Variants in SMOC2 observed in about 807,000 individuals in gnomAD.
SMOC2 encodes SPARC related modular calcium binding 2.
In SMOC2, 39 loss-of-function variants were observed where a neutral mutation model predicts 61.4. The observed-to-expected ratio is 0.64, with a 90% CI of 0.49 to 0.83. The LOEUF is 0.83. Among genes scored for constraint, SMOC2 ranks in the 40% least tolerant of loss-of-function variants. SMOC2 has a pLI of 0.00. For missense variants in SMOC2, 556 were observed against 592.9 expected (o/e 0.94, Z 0.65); for synonymous variants, 247 against 239.9 (o/e 1.03, Z -0.27).
chr6:168,543,723 C>T, intron 5 of SMOC2, 51 bp downstream of exon 5: 1 of 1,525,092 alleles, frequency 6.6e-7, no homozygotes, highest in Non-Finnish European at 9.0e-7. Flanking sequence ...TCTAACTTAT[C>T]CCGTGAAATA....
chr6:168,522,771 G>A (rs1256039703), intron 2 of SMOC2, among the ~76,000 whole-genome samples: 1 of 152,176 alleles, frequency 6.6e-6, no homozygotes, highest in African/African-American at 2.4e-5. Flanking sequence ...CATGAACCGT[G>A]AAAACATCAG....
chr6:168,550,097 C>G (rs923894259), intron 7 of SMOC2, among the ~76,000 whole-genome samples: 3 of 152,158 alleles, frequency 2.0e-5, no homozygotes, highest in Non-Finnish European at 4.4e-5. Flanking sequence ...TTCATTTAGG[C>G]TCTCAGTTGA....
Position 168,547,340 on chromosome 6 carries a change from T to TA in SMOC2, c.562+179dup, listed in dbSNP as rs34326012. ...ATCTTACTTATATGTGGAATCTCTT[T>TA]AAAAAAAACAAACAAACAAAACTCC... is the stretch of plus-strand genomic sequence containing the variant. On this transcript the variant is annotated intron_variant, in intron 6 of 12. Transcript: ENST00000356284. 5.6e-5 allele frequency among the ~76,000 whole-genome samples: 8 copies of TA among 143,106 alleles called. 1 individual carries two copies. Among genetic ancestry groups the TA allele is most frequent in the Non-Finnish European group, 1.0e-4 (7 of 67,702 alleles). The allele number at this position is 143,106 out of a possible 152,430, so 93.9% of individuals were successfully genotyped here. A position where few individuals can be genotyped will look rare whatever the true frequency, so the allele number is the denominator to read the frequency against.
intron 7 of SMOC2, among the ~76,000 whole-genome samples, chr6:168,549,503 G>A (rs1784082453): frequency 6.6e-6 from 1 of 152,040 alleles, no homozygotes; most frequent in Non-Finnish European, 1.5e-5. Context: ...AAAATCATAA[G>A]GAATAGAAAA....
chr6:168,463,931 C>T lies in SMOC2; in HGVS notation c.84+22477C>T, dbSNP rs548850083. Among the ~76,000 whole-genome samples the T allele has an allele frequency of 2.9e-4, 44 of 152,222 alleles. No individual in the cohort carries two copies. The East Asian group carries it at 4.1e-3, about 14-fold the overall frequency. On this transcript the variant is annotated intron_variant, in intron 1 of 12. Coordinates refer to ENST00000356284, the MANE Select transcript of SMOC2 (RefSeq NM_001166412.2). ...TCTGGCCAGGTGAGGTGGCTCACAC[C>T]TGTAATCCCAACACTCTGGGAGGCC...
intron 9 of SMOC2, among the ~76,000 whole-genome samples, chr6:168,626,703 T>C (rs959012759): frequency 6.6e-6 from 1 of 152,244 alleles, no homozygotes; most frequent in Non-Finnish European, 1.5e-5. Flanking sequence ...TAACGCGTTC[T>C]GTTACCTAGG....
chr6:168,484,295 T>A (rs569921031), intron 1 of SMOC2, among the ~76,000 whole-genome samples: 1 of 152,166 alleles, frequency 6.6e-6, no homozygotes, highest in South Asian at 2.1e-4. Context: ...GACATTTTTT[T>A]TAAAAAAAAG....
chr6:168,514,182 A>T (rs2749264), intron 2 of SMOC2, among the ~76,000 whole-genome samples: 136,259 of 152,130 alleles, frequency 0.9, 61,939 homozygotes, highest in East Asian at 1. Context: ...CTGAGAAAAA[A>T]CAAGTCAGTC....
intron 2 of SMOC2, among the ~76,000 whole-genome samples, chr6:168,525,282 G>A (rs571157353): frequency 3.3e-5 from 5 of 152,186 alleles, no homozygotes; most frequent in Non-Finnish European, 5.9e-5. Context: ...CTTAGGACAA[G>A]CCTTTTCCCC....
chr6:168,604,015 C>T (rs2115195167), intron 8 of SMOC2, among the ~76,000 whole-genome samples: 1 of 152,370 alleles, frequency 6.6e-6, no homozygotes, highest in East Asian at 1.9e-4. Context: ...CCCTAAGAGG[C>T]ACAGCAGTGG....
chr6:168,626,739 T>C (rs1318088927), intron 9 of SMOC2, among the ~76,000 whole-genome samples: 1 of 152,248 alleles, frequency 6.6e-6, no homozygotes, highest in Non-Finnish European at 1.5e-5. Flanking sequence ...CTGTGTATCT[T>C]GGAGAGTGCG....
Position 168,576,556 on chromosome 6 carries a change from G to A in SMOC2, c.638-22262G>A, listed in dbSNP as rs145774500. ...AGCCCTGGGGGTCCCTTCAGACCTC[G>A]CTCTGAGAATGGCTGGTCTAACAGC... On this transcript the variant is annotated intron_variant, in intron 7 of 12. Coordinates refer to ENST00000356284, the MANE Select transcript of SMOC2 (RefSeq NM_001166412.2). Among the ~76,000 whole-genome samples, 523 of 152,142 alleles carry A rather than the reference G, an allele frequency of 3.4e-3. 8 individuals are homozygous for A. Among genetic ancestry groups the A allele is most frequent in the African/African-American group, 0.012 (492 of 41,450 alleles).
rs1554287070 is a variant in SMOC2 at position 168,523,079 on chromosome 6, A to ATTTTTTTTTTT, written c.257-3257_257-3247dup. ...TTATGTTATTTGTAGTTGTACAGTA[A>ATTTTTTTTTTT]TTTTTTTTTTTTTTTTTTTTGAGAC... On this transcript the variant is annotated intron_variant, in intron 2 of 12. Transcript: ENST00000356284. Among the ~76,000 whole-genome samples, 52 of 93,660 alleles carry ATTTTTTTTTTT rather than the reference A, an allele frequency of 5.6e-4. 6 individuals carry two copies. The highest frequency in any genetic ancestry group is 1.5e-3 in the African/African-American group (44 of 30,120). 61.4% of individuals were successfully genotyped at this position (93,660 alleles called of 152,430 possible). A position where few individuals can be genotyped will look rare whatever the true frequency, so the allele number is the denominator to read the frequency against.
intron 1 of SMOC2, among the ~76,000 whole-genome samples, chr6:168,469,694 G>A (rs1384948957): frequency 6.6e-6 from 1 of 152,182 alleles, no homozygotes; most frequent in Non-Finnish European, 1.5e-5. Flanking sequence ...CACATGGCCA[G>A]CAGAGCTGGT....
chr6:168,454,769 A>C (rs1000775153), intron 1 of SMOC2, among the ~76,000 whole-genome samples: 1 of 152,176 alleles, frequency 6.6e-6, no homozygotes, highest in African/African-American at 2.4e-5. Flanking sequence ...TGAGCTTACA[A>C]CTTCTCCATG....
In SMOC2 at chr6:168,549,126, T is replaced by C. The variant is rs780293030; in HGVS notation, c.563-3T>C. The C allele has an allele frequency of 2.2e-5, 36 of 1,613,510 alleles. No homozygotes were observed. In the Admixed American group the frequency reaches 5.3e-4, roughly 24 times the overall value. ...ATGCTTGTCATTTCATTTTGGTTCA[T>C]AGATATTGCATCACGTTACCCTACC... On this transcript the variant is annotated splice_polypyrimidine_tract_variant and splice_region_variant and intron_variant, in intron 6 of 12. Coordinates refer to ENST00000356284, the MANE Select transcript of SMOC2 (RefSeq NM_001166412.2).
At chr6:168,581,486 G>C (rs1433875377) in intron 7 of SMOC2, among the ~76,000 whole-genome samples, 5 of 152,124 alleles carry the variant, frequency 3.3e-5, no homozygotes, top group Admixed American at 6.5e-5. Flanking sequence ...GCCCCGGACG[G>C]GTCTGACACT....
chr6:168,460,157 C>T (rs1781688367), intron 1 of SMOC2, among the ~76,000 whole-genome samples: 1 of 152,200 alleles, frequency 6.6e-6, no homozygotes, highest in Admixed American at 6.5e-5. Flanking sequence ...TGTGGCTACA[C>T]TCACATCACA....
intron 9 of SMOC2, among the ~76,000 whole-genome samples, chr6:168,631,129 T>G (rs995984804): frequency 2.6e-5 from 4 of 152,170 alleles, no homozygotes; most frequent in African/African-American, 7.2e-5. Flanking sequence ...AACTTGCTGG[T>G]TTTTGTGGCT....
Sources: gnomAD v4.1 joint callset for allele counts (sites outside exome capture counted in the v4.1 genomes callset) on GRCh38, gnomAD v4.1.1 for gene constraint, MANE v1.5 for transcripts, NCBI Gene and HGNC (gene_info 2026-07-23, HGNC 2026-07-21) for gene names.